WDR12: variants seen among roughly 807,000 people sequenced by gnomAD.
WDR12 encodes WD repeat domain 12.
Under a neutral mutation model 64.3 loss-of-function variants are expected in WDR12, and 42 were observed. The observed-to-expected ratio is 0.65, with a 90% confidence interval of 0.51 to 0.84. The LOEUF is 0.84. Among genes scored for constraint, WDR12 ranks in the 40% least tolerant of loss-of-function variants. The probability of loss-of-function intolerance (pLI) is 0.00; values close to 1 mark genes in which losing one functional copy is unlikely to be tolerated. For missense variants in WDR12, 469 were observed against 494.6 expected, an observed-to-expected ratio of 0.95 and a Z score of 0.49; for synonymous variants, 158 against 173.3, an observed-to-expected ratio of 0.91 and a Z score of 0.70.
At position 202,899,535 on chromosome 2, in the gene WDR12, C is replaced by T; in HGVS notation, c.334G>A (p.Glu112Lys). The change falls in exon 4 of 13, where the codon GAA becomes AAA. Residue 112 changes from glutamate (E) to lysine (K), a missense_variant. Coordinates refer to ENST00000261015, the MANE Select transcript of WDR12 (RefSeq NM_018256.4). ...DWISSIKGAE[E>K]WILTGSYDKT... is the part of the protein sequence containing the mutation. Reference sequence around the variant, plus strand: ...AGGGCATTAATCTGGCAATACCATTCCTCTGCCCCTTTAATTGAACTGATC... The same window carrying T: ...AGGGCATTAATCTGGCAATACCATTTCTCTGCCCCTTTAATTGAACTGATC... The T allele has an allele frequency of 6.2e-7, 1 of 1,613,630 alleles. No homozygotes were observed. Among genetic ancestry groups the T allele is most frequent in the South Asian group, 1.1e-5 (1 of 90,978 alleles).
At chr2:202,882,951 T>C (rs1187831573) in intron 11 of WDR12, 168 bp from the exon 12 acceptor site, 2 of 547,920 alleles carry the variant, frequency 3.7e-6, no homozygotes, top group Non-Finnish European at 6.5e-6. Flanking sequence ...CTTTTTCCTG[T>C]ATCATTGGTA....
At chr2:202,907,164 G>A (rs1175418864) in intron 2 of WDR12, among the ~76,000 whole-genome samples, 3 of 151,948 alleles carry the variant, frequency 2.0e-5, no homozygotes, top group Non-Finnish European at 4.4e-5. Flanking sequence ...GGTCAGGCTG[G>A]TCTCAAACTC....
In WDR12 at chr2:202,876,939, G is replaced by T. The variant is rs1687867813; in HGVS notation, c.*3921C>A. ...TAGTGAGACCCTGTCTCTAAAAAAT[G>T]AACAAAAATAAAAACTAGTATCTTT... On this transcript the variant is annotated 3_prime_UTR_variant, in exon 13 of 13. Coordinates refer to ENST00000261015, the MANE Select transcript of WDR12 (RefSeq NM_018256.4). 6.6e-6 allele frequency: 1 copy of T among 152,084 alleles called. No individual in the cohort carries two copies. The highest frequency in any genetic ancestry group is 2.0e-4 in the South Asian group (1 of 4,922). The allele number at this position is 152,084 out of a possible 1,614,324, so 9.4% of individuals were successfully genotyped here.
At chr2:202,882,475 C>G (rs1213800496) in intron 12 of WDR12, among the ~76,000 whole-genome samples, 1 of 151,864 alleles carries the variant, frequency 6.6e-6, no homozygotes, top group Non-Finnish European at 1.5e-5. Context: ...ACTACAGGCG[C>G]CCGCCACCAT....
Position 202,894,586 on chromosome 2 carries a change from G to C in WDR12, c.650C>G (p.Ser217Cys), listed in dbSNP as rs745348337. ...GSWDKMLKIW[S>C]TVPTDEEDEM... Reference sequence around the variant, plus strand: ...AAAATAAATATTTAATTTACCTGTAGACCAGATCTTTAGCATCTTATCCCA... The same window carrying C: ...AAAATAAATATTTAATTTACCTGTACACCAGATCTTTAGCATCTTATCCCA... The change falls in exon 7 of 13, where the codon TCT becomes TGT. Residue 217 changes from serine (S) to cysteine (C), a missense_variant. By Grantham distance (112) the Ser-to-Cys change is moderately radical. Coordinates refer to ENST00000261015, the MANE Select transcript of WDR12 (RefSeq NM_018256.4). The C allele has an allele frequency of 2.4e-5, 38 of 1,604,456 alleles. No homozygotes were observed. Among genetic ancestry groups the C allele is most frequent in the Non-Finnish European group, 3.1e-5 (36 of 1,176,232 alleles).
Position 202,883,633 on chromosome 2 carries a change from A to G in WDR12, c.1097T>C (p.Ile366Thr). 2 of 1,614,036 alleles carry G rather than the reference A, an allele frequency of 1.2e-6. No homozygotes were observed. Among genetic ancestry groups the G allele is most frequent in the East Asian group, 2.2e-5 (1 of 44,880 alleles). The change falls in exon 11 of 13, where the codon ATT (isoleucine) becomes ACT (threonine). Residue 366 changes from isoleucine to threonine, a missense_variant. By Grantham distance (89) the Ile-to-Thr change is moderately conservative. Coordinates refer to ENST00000261015, the MANE Select transcript of WDR12 (RefSeq NM_018256.4). The part of the protein sequence containing the change: ...QQLISGSLDN[I>T]VKLWDTRSCK... ...CCTTCTTGTATCCCACAGCTTAACA[A>G]TGTTATCTAAAGATCCTGAAATCAG...
rs1276118003 is a variant in WDR12, at chr2:202,878,867, ATTTAC to A, written c.*1988_*1992del. ...AATGGAAATAACATTTAAAAAATAC[ATTTAC>A]TTTAAATATTTTTATATAACACATG... On this transcript the variant is annotated 3_prime_UTR_variant, in exon 13 of 13. Transcript: ENST00000261015. 1 of 152,242 alleles carries A rather than the reference ATTTAC, an allele frequency of 6.6e-6. No individual in the cohort carries two copies. Among genetic ancestry groups the A allele is most frequent in the African/African-American group, 2.4e-5 (1 of 41,466 alleles). The allele number at this position is 152,242 out of a possible 1,614,324, so 9.4% of individuals were successfully genotyped here.
chr2:202,882,858 T>C (rs1321397819), intron 11 of WDR12, 75 bp from the exon 12 acceptor site: 6 of 1,485,304 alleles, frequency 4.0e-6, no homozygotes, highest in Non-Finnish European at 4.7e-6. Flanking sequence ...CACTTATACT[T>C]ATCTGAAAAC....
At chr2:202,885,444 G>A (rs1246057908) in intron 8 of WDR12, among the ~76,000 whole-genome samples, 4 of 152,092 alleles carry the variant, frequency 2.6e-5, no homozygotes, top group African/African-American at 7.2e-5. Context: ...CCAACCAGTG[G>A]GAATCCTCCC....
At chr2:202,892,526 G>A in intron 8 of WDR12, 91 bp downstream of exon 8, 2 of 806,726 alleles carry the variant, frequency 2.5e-6, no homozygotes, top group Non-Finnish European at 3.9e-6. Flanking sequence ...TAAGACAGAA[G>A]GCAACATAAA....
chr2:202,888,686 T>C (rs916284357), intron 8 of WDR12, among the ~76,000 whole-genome samples: 1 of 152,190 alleles, frequency 6.6e-6, no homozygotes, highest in African/African-American at 2.4e-5. Flanking sequence ...TTTTTCTCTT[T>C]TTTCTATTAT....
At chr2:202,903,892 C>T (rs2105911442) in intron 2 of WDR12, among the ~76,000 whole-genome samples, 1 of 152,044 alleles carries the variant, frequency 6.6e-6, no homozygotes, top group South Asian at 2.1e-4. Context: ...AATCCCAGAA[C>T]TTTGGGAGGC....
chr2:202,905,699 T>C (rs1026795189), intron 2 of WDR12, among the ~76,000 whole-genome samples: 1 of 152,206 alleles, frequency 6.6e-6, no homozygotes, highest in Non-Finnish European at 1.5e-5. Context: ...TAAAAAAGAA[T>C]GAGATCCTGT....
chr2:202,881,863 C>A (rs1687953870), intron 12 of WDR12, among the ~76,000 whole-genome samples: 1 of 151,894 alleles, frequency 6.6e-6, no homozygotes, highest in Admixed American at 6.6e-5. Context: ...AAAACAACAA[C>A]AGCAAAAACA....
chr2:202,877,074 GTTA>G lies in WDR12; in HGVS notation c.*3783_*3785del, dbSNP rs1176604911. 1 of 150,084 alleles carries G rather than the reference GTTA, an allele frequency of 6.7e-6. No individual in the cohort carries two copies. The highest frequency in any genetic ancestry group is 6.7e-5 in the Admixed American group (1 of 14,992). 9.3% of individuals were successfully genotyped at this position (150,084 alleles called of 1,614,324 possible). On this transcript the variant is annotated 3_prime_UTR_variant, in exon 13 of 13. Transcript: ENST00000261015. Reference sequence around the variant, plus strand: ...TTAGACTGTGTGAACAGATTTCAATGTTATTATCAGAAATTCCCAGATGGTATA... The same window carrying G: ...TTAGACTGTGTGAACAGATTTCAATGTTATCAGAAATTCCCAGATGGTATA...
intron 8 of WDR12, among the ~76,000 whole-genome samples, chr2:202,889,085 T>C (rs1449118681): frequency 2.0e-5 from 3 of 152,184 alleles, no homozygotes; most frequent in Admixed American, 1.3e-4. Flanking sequence ...AACTAATAAT[T>C]TATGCATGTA....
Position 202,875,313 on chromosome 2 carries a change from A to C in WDR12, c.*5547T>G, listed in dbSNP as rs1422191530. 6.6e-6 allele frequency: 1 copy of C among 152,216 alleles called. No homozygotes were observed. The highest frequency in any genetic ancestry group is 1.5e-5 in the Non-Finnish European group (1 of 68,040). The allele number at this position is 152,216 out of a possible 1,614,324, so 9.4% of individuals were successfully genotyped here. ...ACGCTAAAATTGAAATTAATTTTAAAGGCAAAAAAATGCAAAGCTGAACAT... is the reference window on the plus strand; with the variant it reads ...ACGCTAAAATTGAAATTAATTTTAACGGCAAAAAAATGCAAAGCTGAACAT... On this transcript the variant is annotated 3_prime_UTR_variant, in exon 13 of 13. Coordinates refer to ENST00000261015, the MANE Select transcript of WDR12 (RefSeq NM_018256.4).
Position 202,903,483 on chromosome 2 carries a change from GGAAGGAAGGA to G in WDR12, c.137-2374_137-2365del, listed in dbSNP as rs1688390570. On this transcript the variant is annotated intron_variant, in intron 2 of 12. Coordinates refer to ENST00000261015, the MANE Select transcript of WDR12 (RefSeq NM_018256.4). The stretch of plus-strand genomic sequence containing the variant: ...AGGAAGGAAGGAAGGAAGGAAGGAA[GGAAGGAAGGA>G]AGGAAGGAAGTGAGGGAGGGAGGGA... Among the ~76,000 whole-genome samples the G allele has an allele frequency of 6.8e-5, 9 of 133,194 alleles. No homozygotes were observed. The Admixed American group carries it at 6.8e-4, about 10-fold the overall frequency. The allele number at this position is 133,194 out of a possible 152,430, so 87.4% of individuals were successfully genotyped here.
intron 8 of WDR12, among the ~76,000 whole-genome samples, chr2:202,885,383 T>G (rs1326667990): frequency 1.3e-5 from 2 of 152,182 alleles, no homozygotes; most frequent in African/African-American, 4.8e-5. Flanking sequence ...TGGGTGAAAG[T>G]ATTCACACTT....
Sources: allele counts gnomAD v4.1 joint callset (sites outside exome capture counted in the v4.1 genomes callset), GRCh38; gene constraint gnomAD v4.1.1; transcripts MANE v1.5; gene names NCBI Gene and HGNC (gene_info 2026-07-23, HGNC 2026-07-21).